The following CRTC1 variants were observed in gnomAD, a reference collection of about 807,000 sequenced individuals.
CRTC1 encodes the protein CREB-regulated transcription coactivator 1.
Under a neutral mutation model 66.1 loss-of-function variants are expected in CRTC1, and 18 were observed. The ratio of observed to expected loss-of-function variants is 0.27; its 90% CI spans 0.19 to 0.40. CRTC1 has a LOEUF of 0.40. Ranked by LOEUF, CRTC1 falls within the 10% of genes least tolerant of loss-of-function variation. CRTC1 has a pLI of 1.00. For synonymous variants in CRTC1, 416 were observed against 398.8 expected (o/e 1.04, Z -0.51); for missense variants, 669 against 887.9 (o/e 0.75, Z 3.13).
rs2055053494 is a variant in CRTC1 at position 18,779,074 on chromosome 19, C to T, written c.*1692C>T. 2 of 232,470 alleles carry T rather than the reference C, an allele frequency of 8.6e-6. No homozygotes were observed. Among genetic ancestry groups the T allele is most frequent in the African/African-American group, 2.2e-5 (1 of 45,336 alleles). 14.4% of individuals were successfully genotyped at this position (232,470 alleles called of 1,614,324 possible). A position where few individuals can be genotyped will look rare whatever the true frequency, so the allele number is the denominator to read the frequency against. Reference sequence around the variant, plus strand: ...GCATCAGGGCTGGCTTTGTTTTCTGCTGTTCTTGGAATAGGAACTGCTGTT... The same window carrying T: ...GCATCAGGGCTGGCTTTGTTTTCTGTTGTTCTTGGAATAGGAACTGCTGTT... On this transcript the variant is annotated 3_prime_UTR_variant, in exon 14 of 14. Coordinates refer to ENST00000321949, the MANE Select transcript of CRTC1 (RefSeq NM_015321.3).
intron 1 of CRTC1, among the ~76,000 whole-genome samples, chr19:18,716,750 T>G (rs1325999520): frequency 6.6e-6 from 1 of 152,156 alleles, no homozygotes; most frequent in Non-Finnish European, 1.5e-5. Flanking sequence ...GTTTGGGCGC[T>G]GCAGGGTTAA....
At chr19:18,729,709 C>T (rs879332481) in intron 1 of CRTC1, among the ~76,000 whole-genome samples, 2 of 151,998 alleles carry the variant, frequency 1.3e-5, no homozygotes, top group Admixed American at 1.3e-4. Flanking sequence ...CCACTGCACT[C>T]CAGTCTGGGT....
At chr19:18,688,438 G>C (rs1319494605) in intron 1 of CRTC1, among the ~76,000 whole-genome samples, 1 of 151,374 alleles carries the variant, frequency 6.6e-6, no homozygotes, top group Non-Finnish European at 1.5e-5. Context: ...TTGTTTGTTT[G>C]TTTGTTTGTT....
At chr19:18,721,463 G>A (rs1354856050) in intron 1 of CRTC1, among the ~76,000 whole-genome samples, 3 of 149,914 alleles carry the variant, frequency 2.0e-5, no homozygotes, top group African/African-American at 7.4e-5. Flanking sequence ...AAAGTGCTGG[G>A]ATTACAGGCA....
At chr19:18,756,369 G>A (rs2054489340) in intron 6 of CRTC1, among the ~76,000 whole-genome samples, 2 of 145,986 alleles carry the variant, frequency 1.4e-5, no homozygotes, top group South Asian at 2.2e-4. Context: ...TAGGCTGGAC[G>A]GACACAGTGG....
At chr19:18,742,584 G>T (rs1273706623) in intron 1 of CRTC1, among the ~76,000 whole-genome samples, 1 of 152,262 alleles carries the variant, frequency 6.6e-6, no homozygotes, top group African/African-American at 2.4e-5. Flanking sequence ...TTGGCAGGCT[G>T]CAGGCCCGCC....
At chr19:18,706,222 T>TTTTTG in intron 1 of CRTC1, among the ~76,000 whole-genome samples, 1 of 119,172 alleles carries the variant, frequency 8.4e-6, no homozygotes, top group Non-Finnish European at 1.7e-5. Context: ...TTTTTTTTTT[T>TTTTTG]TAGACAGAGT....
Position 18,778,298 on chromosome 19 carries a change from T to C in CRTC1, c.*916T>C, listed in dbSNP as rs1324443184. 2 of 233,120 alleles carry C rather than the reference T, an allele frequency of 8.6e-6. No homozygotes were observed. Among genetic ancestry groups the C allele is most frequent in the Non-Finnish European group, 1.7e-5 (2 of 117,998 alleles). 14.4% of individuals were successfully genotyped at this position (233,120 alleles called of 1,614,324 possible). A position where few individuals can be genotyped will look rare whatever the true frequency, so the allele number is the denominator to read the frequency against. On this transcript the variant is annotated 3_prime_UTR_variant, in exon 14 of 14. Transcript: ENST00000321949. Reference sequence around the variant, plus strand: ...GGGGAGTTTCATTGTGGTTTTTTTTTCCTTTTAGTTTCTAGTTACATTTTG... The same window carrying C: ...GGGGAGTTTCATTGTGGTTTTTTTTCCCTTTTAGTTTCTAGTTACATTTTG...
intron 1 of CRTC1, among the ~76,000 whole-genome samples, chr19:18,714,756 ACCCCCAAATGTTGATG>A (rs900729510): frequency 6.6e-6 from 1 of 151,982 alleles, no homozygotes; most frequent in Non-Finnish European, 1.5e-5. Context: ...TGTCGTTCTC[ACCCCCAAATGTTGATG>A]ACCCCCGGGG....
rs1412033388 is a variant in CRTC1 at position 18,768,547 on chromosome 19, G to A, written c.1074G>A (p.Ala358=). 3.7e-6 allele frequency: 6 copies of A among 1,606,358 alleles called. No individual in the cohort carries two copies. The highest frequency in any genetic ancestry group is 2.2e-5 in the East Asian group (1 of 44,672). ...TGCCCTACGCCTTCTTCACCCAGGC[G>A]GGCTCCCAGCAGCCACCGCCGCAGC... ...QQLPYAFFTQ[A]GSQQPPPQPQ... is the part of the protein sequence containing the mutation. Residue 358 remains alanine, a synonymous_variant, in exon 10 of 14, where the codon GCG becomes GCA. Coordinates refer to ENST00000321949, the MANE Select transcript of CRTC1 (RefSeq NM_015321.3). This position sits in a 1 kb window ranked among gnomAD's most constrained non-coding sequence, Gnocchi z 5.6.
intron 7 of CRTC1, 122 bp from the exon 8 acceptor site, chr19:18,759,886 C>T: frequency 2.4e-6 from 2 of 823,850 alleles, no homozygotes; most frequent in Non-Finnish European, 3.9e-6. Flanking sequence ...GTTTCCCAAG[C>T]ACACGGCACC....
chr19:18,700,121 C>T (rs542977201), intron 1 of CRTC1, among the ~76,000 whole-genome samples: 8 of 152,182 alleles, frequency 5.3e-5, no homozygotes, highest in South Asian at 2.1e-4. Context: ...ACCACTATAG[C>T]GGCTGAGAGG....
intron 8 of CRTC1, among the ~76,000 whole-genome samples, chr19:18,761,668 A>G (rs981438381): frequency 3.3e-5 from 5 of 152,106 alleles, no homozygotes; most frequent in Non-Finnish European, 7.4e-5. Context: ...CTCTGCCTGG[A>G]GACTCCAGGG....
Position 18,705,574 on chromosome 19 carries a change from C to T in CRTC1, c.126+21746C>T, listed in dbSNP as rs537900081. The stretch of plus-strand genomic sequence containing the variant: ...CCTCAGATGATCCACCTGCCTTGGC[C>T]TCCCAAAGTGCTGGGATTACAGGCG... On this transcript the variant is annotated intron_variant, in intron 1 of 13. Coordinates refer to ENST00000321949, the MANE Select transcript of CRTC1 (RefSeq NM_015321.3). 2.6e-5 allele frequency among the ~76,000 whole-genome samples: 4 copies of T among 152,322 alleles called. No homozygotes were observed. The East Asian group carries it at 7.7e-4, about 29-fold the overall frequency.
intron 1 of CRTC1, among the ~76,000 whole-genome samples, chr19:18,711,348 C>T (rs2053387200): frequency 6.6e-6 from 1 of 152,012 alleles, no homozygotes; most frequent in Non-Finnish European, 1.5e-5. Context: ...TGAAGGGGAG[C>T]ATGAGGGCAC....
chr19:18,731,879 A>G (rs1232332599), intron 1 of CRTC1, among the ~76,000 whole-genome samples: 1 of 152,134 alleles, frequency 6.6e-6, no homozygotes, highest in African/African-American at 2.4e-5. Flanking sequence ...GGGCTAGCGC[A>G]CACTGGAGCC....
rs1315974598 is a variant in CRTC1 at position 18,778,041 on chromosome 19, C to G, written c.*659C>G. 8.5e-6 allele frequency: 2 copies of G among 233,974 alleles called. No homozygotes were observed. The highest frequency in any genetic ancestry group is 4.4e-5 in the African/African-American group (2 of 45,344). The allele number at this position is 233,974 out of a possible 1,614,324, so 14.5% of individuals were successfully genotyped here. On this transcript the variant is annotated 3_prime_UTR_variant, in exon 14 of 14. Transcript: ENST00000321949. ...CAGAGCATGCAGGGCGGCGGACCCC[C>G]CCACGACCCTCCTCGCCCTGTCTCC...
chr19:18,767,610 C>T (rs1010600082), intron 9 of CRTC1, among the ~76,000 whole-genome samples: 15 of 152,322 alleles, frequency 9.8e-5, no homozygotes, highest in African/African-American at 2.9e-4. Context: ...CCCCGCCCCT[C>T]GGCCCCCATG....
At chr19:18,776,201 G>A (rs1422070835) in intron 13 of CRTC1, among the ~76,000 whole-genome samples, 1 of 152,214 alleles carries the variant, frequency 6.6e-6, no homozygotes, top group Non-Finnish European at 1.5e-5. Context: ...CGGCTGTGGG[G>A]TGGGCCCTGT....
Sources: gnomAD v4.1 joint callset for allele counts (sites outside exome capture counted in the v4.1 genomes callset) on GRCh38, gnomAD v4.1.1 for gene constraint, Gnocchi (gnomAD v3.1) non-coding constraint, MANE v1.5 for transcripts, NCBI Gene and HGNC (gene_info 2026-07-23, HGNC 2026-07-21) for gene names.